Variants in CTNNA2 observed in about 807,000 individuals in gnomAD.
The protein encoded by CTNNA2 is catenin alpha 2, also known as catenin alpha-2.
A neutral mutation model predicts 101.0 loss-of-function variants in CTNNA2; 42 were observed. That is an observed-to-expected ratio of 0.42 (90% CI 0.32 to 0.54). CTNNA2 has a LOEUF of 0.54. CTNNA2 is among the 20% of genes least tolerant of loss of function. CTNNA2 has a pLI of 0.14. For synonymous variants in CTNNA2, 450 were observed against 456.4 expected (o/e 0.99, Z 0.18); for missense variants, 871 against 1,223.1 (o/e 0.71, Z 4.29).
At chr2:79,769,261 C>T (rs894860885) in intron 3 of CTNNA2, among the ~76,000 whole-genome samples, 4 of 152,062 alleles carry the variant, frequency 2.6e-5, no homozygotes, top group Non-Finnish European at 4.4e-5. Context: ...ATTGTGGTCT[C>T]GTGTTGCTCT....
chr2:80,585,892 TAA>T (rs1695933488), intron 14 of CTNNA2, among the ~76,000 whole-genome samples: 3 of 152,198 alleles, frequency 2.0e-5, no homozygotes, highest in African/African-American at 7.2e-5. Flanking sequence ...GATAGCTACA[TAA>T]GCAGAAGCAA....
At chr2:80,635,658 T>A (rs77090425) in intron 18 of CTNNA2, among the ~76,000 whole-genome samples, 20 of 152,236 alleles carry the variant, frequency 1.3e-4, no homozygotes, top group Admixed American at 4.6e-4. Context: ...ACAGGTGACA[T>A]GAGTCAAATC....
chr2:79,477,988 T>A (rs1468520278), intron 4 of CTNNA2, among the ~76,000 whole-genome samples: 6 of 152,184 alleles, frequency 3.9e-5, no homozygotes, highest in Non-Finnish European at 7.3e-5. Flanking sequence ...AAGACACAAA[T>A]CATAAAGTCA....
At position 79,874,293 on chromosome 2, in the gene CTNNA2, A is replaced by G; in HGVS notation, c.803A>G (p.Lys268Arg). 1 of 1,614,076 alleles carries G rather than the reference A, an allele frequency of 6.2e-7. No homozygotes were observed. ...AQATSPTDEA[K>R]GHTGIGELAA... Reference sequence around the variant, plus strand: ...GCTACCTCGCCCACTGACGAAGCCAAGGGCCACACGGGCATCGGCGAGCTG... The same window carrying G: ...GCTACCTCGCCCACTGACGAAGCCAGGGGCCACACGGGCATCGGCGAGCTG... Residue 268 changes from lysine to arginine, a missense_variant, in exon 6 of 19, where the codon AAG (lysine) becomes AGG (arginine). Transcript: ENST00000402739.
At chr2:79,538,553 G>A (rs1454289994) in intron 1 of CTNNA2, among the ~76,000 whole-genome samples, 2 of 152,180 alleles carry the variant, frequency 1.3e-5, no homozygotes, top group African/African-American at 4.8e-5. Flanking sequence ...CAGAGATATG[G>A]CCTTGCTATC....
chr2:79,651,375 C>A (rs538517580), intron 1 of CTNNA2, among the ~76,000 whole-genome samples, 177 bp from the exon 2 acceptor site: 1 of 152,148 alleles, frequency 6.6e-6, no homozygotes, highest in Non-Finnish European at 1.5e-5. Flanking sequence ...CTGATTCCAA[C>A]ATTGCCACCT....
At chr2:80,604,320 G>A (rs1367061673) in intron 16 of CTNNA2, 141 bp downstream of exon 16, 2 of 677,092 alleles carry the variant, frequency 3.0e-6, no homozygotes, top group East Asian at 2.7e-5. Flanking sequence ...TTACACACTG[G>A]TATCTGCCTC....
At chr2:79,243,842 A>C (rs904140487) in intron 2 of CTNNA2, among the ~76,000 whole-genome samples, 1 of 152,210 alleles carries the variant, frequency 6.6e-6, no homozygotes, top group Non-Finnish European at 1.5e-5. Flanking sequence ...GAAAGGAGGC[A>C]GGAGAGAACC....
intron 2 of CTNNA2, among the ~76,000 whole-genome samples, chr2:79,282,312 T>C (rs1675411559): frequency 6.6e-6 from 1 of 152,132 alleles, no homozygotes; most frequent in Non-Finnish European, 1.5e-5. Context: ...AATGTGCAGG[T>C]TAGTTACATA....
Position 80,565,520 on chromosome 2 carries a change from CT to C in CTNNA2, c.1742-8631del, listed in dbSNP as rs57112998. On this transcript the variant is annotated intron_variant, in intron 12 of 18. Transcript: ENST00000402739. Reference sequence around the variant, plus strand: ...GTGTGCTGTGTCCCATTATGCTCACCTTTTTTTTTTTTCCATGGTGAATCGT... The same window carrying C: ...GTGTGCTGTGTCCCATTATGCTCACCTTTTTTTTTTTCCATGGTGAATCGT... Among the ~76,000 whole-genome samples, 668 of 145,386 alleles carry C rather than the reference CT, an allele frequency of 4.6e-3. 2 individuals carry two copies. The highest frequency in any genetic ancestry group is 0.013 in the African/African-American group (526 of 39,884).
At chr2:80,092,433 C>T (rs1699847152) in intron 7 of CTNNA2, among the ~76,000 whole-genome samples, 1 of 152,058 alleles carries the variant, frequency 6.6e-6, no homozygotes, top group African/African-American at 2.4e-5. Context: ...GAAGCTTTCC[C>T]ATGTTCTCAA....
chr2:79,732,350 T>TA (rs1178947007), intron 2 of CTNNA2, among the ~76,000 whole-genome samples: 1 of 151,968 alleles, frequency 6.6e-6, no homozygotes, highest in Non-Finnish European at 1.5e-5. Context: ...TTTTTTCATA[T>TA]AAAAAATGGG....
At chr2:79,811,021 A>G (rs570662926) in intron 3 of CTNNA2, among the ~76,000 whole-genome samples, 87 of 151,346 alleles carry the variant, frequency 5.7e-4, no homozygotes, top group Admixed American at 6.6e-5. Flanking sequence ...AGCATGATTT[A>G]TAATCCTTTG....
At position 80,648,241 on chromosome 2, in the gene CTNNA2, C is replaced by A; in HGVS notation, c.*369C>A. The A allele has an allele frequency of 6.2e-6, 1 of 161,530 alleles. No individual in the cohort carries two copies. The highest frequency in any genetic ancestry group is 1.4e-5 in the Non-Finnish European group (1 of 73,752). 10.0% of individuals were successfully genotyped at this position (161,530 alleles called of 1,614,324 possible). On this transcript the variant is annotated 3_prime_UTR_variant, in exon 19 of 19. Transcript: ENST00000402739. ...GAATCATTAGGTTGGCAGGTATATGCATAAGTGAAAAATCTGGAAGTGTAA... is the reference window on the plus strand; with the variant it reads ...GAATCATTAGGTTGGCAGGTATATGAATAAGTGAAAAATCTGGAAGTGTAA...
At chr2:79,359,852 C>G (rs1446202942) in intron 3 of CTNNA2, among the ~76,000 whole-genome samples, 1 of 152,058 alleles carries the variant, frequency 6.6e-6, no homozygotes, top group African/African-American at 2.4e-5. Flanking sequence ...TCTTCTGAAC[C>G]ATTTCAGAGA....
chr2:80,596,872 A>C (rs954598477), intron 15 of CTNNA2, among the ~76,000 whole-genome samples: 4 of 152,088 alleles, frequency 2.6e-5, no homozygotes, highest in African/African-American at 9.7e-5. Flanking sequence ...CACTATTCTG[A>C]GGTATGTTCC....
chr2:79,199,180 AT>A (rs941034529), intron 2 of CTNNA2, among the ~76,000 whole-genome samples: 7 of 152,116 alleles, frequency 4.6e-5, no homozygotes, highest in Non-Finnish European at 1.0e-4. Context: ...TGAAGCAAAA[AT>A]TTTTCCCTAC....
intron 7 of CTNNA2, among the ~76,000 whole-genome samples, chr2:80,188,785 A>C (rs1252330813): frequency 6.6e-6 from 1 of 152,128 alleles, no homozygotes; most frequent in Non-Finnish European, 1.5e-5. Flanking sequence ...TCCCCGTCTC[A>C]AGATCTTTAA....
At chr2:80,251,540 T>C (rs1466870392) in intron 7 of CTNNA2, among the ~76,000 whole-genome samples, 1 of 152,046 alleles carries the variant, frequency 6.6e-6, no homozygotes, top group South Asian at 2.1e-4. Flanking sequence ...CCAGTAAGGG[T>C]GATGACTCCC....
Sources: gnomAD v4.1 joint callset for allele counts (sites outside exome capture counted in the v4.1 genomes callset) on GRCh38, gnomAD v4.1.1 for gene constraint, MANE v1.5 for transcripts, NCBI Gene and HGNC (gene_info 2026-07-23, HGNC 2026-07-21) for gene names.